PREB: variants seen among roughly 807,000 people sequenced by gnomAD.
PREB encodes the protein prolactin regulatory element binding.
PREB carries 29 observed loss-of-function variants against 46.7 expected under a neutral mutation model. The observed-to-expected ratio is 0.62, with a 90% CI of 0.46 to 0.85. PREB has a LOEUF of 0.85. PREB is among the 40% of genes least tolerant of loss of function. PREB has a pLI of 0.00. For synonymous variants in PREB, 224 were observed against 220.1 expected, an observed-to-expected ratio of 1.02 and a Z score of -0.16; for missense variants, 494 against 528.4, an observed-to-expected ratio of 0.93 and a Z score of 0.64.
chr2:27,131,768 T>C lies in PREB; in HGVS notation c.1063A>G (p.Lys355Glu). The C allele has an allele frequency of 6.2e-7, 1 of 1,613,952 alleles. No homozygotes were observed. The highest frequency in any genetic ancestry group is 8.5e-7 in the Non-Finnish European group (1 of 1,179,946). The change falls in exon 8 of 9, where the codon AAG (lysine) becomes GAG (glutamate). Residue 355 changes from lysine (K) to glutamate (E), a missense_variant. Lys to Glu is a moderately conservative substitution (Grantham distance 56). Coordinates refer to ENST00000260643, the MANE Select transcript of PREB (RefSeq NM_013388.6). ...VVTDVAFLPE[K>E]GRGPELLGSH... is the part of the protein sequence containing the mutation. ...CCAAGGAGCTCTGGACCACGACCCTTCTCAGGTAGAAAGGCCACATCCGTC... is the reference window on the plus strand; with the variant it reads ...CCAAGGAGCTCTGGACCACGACCCTCCTCAGGTAGAAAGGCCACATCCGTC...
intron 2 of PREB, 54 bp downstream of exon 2, chr2:27,133,478 G>A: frequency 6.3e-7 from 1 of 1,598,290 alleles, no homozygotes; most frequent in Non-Finnish European, 8.5e-7. Flanking sequence ...GACACCAAGA[G>A]TGACCTTACT....
chr2:27,133,422 T>G lies in PREB; in HGVS notation c.326-85A>C, dbSNP rs577121548. 1.1e-5 allele frequency: 17 copies of G among 1,596,396 alleles called. No individual in the cohort carries two copies. The East Asian group carries it at 2.9e-4, about 27-fold the overall frequency. On this transcript the variant is annotated intron_variant, in intron 2 of 8. Coordinates refer to ENST00000260643, the MANE Select transcript of PREB (RefSeq NM_013388.6). ...TCTCCATGGCAGGTGCCCATACAAC[T>G]TCTAGCTTGCTACCAAAACCCTACT...
Position 27,132,777 on chromosome 2 carries a change from C to A in PREB, c.628-50G>T. On this transcript the variant is annotated intron_variant, in intron 4 of 8. Coordinates refer to ENST00000260643, the MANE Select transcript of PREB (RefSeq NM_013388.6). This position sits in a 1 kb window ranked among gnomAD's most constrained non-coding sequence, Gnocchi z 4.0. ...GATGGACAGTTAGGGGATCCACTTACTGGGCAAGCAGCATAAGCACCTCCT... is the reference window on the plus strand; with the variant it reads ...GATGGACAGTTAGGGGATCCACTTAATGGGCAAGCAGCATAAGCACCTCCT... 1 of 1,613,622 alleles carries A rather than the reference C, an allele frequency of 6.2e-7. No homozygotes were observed. The highest frequency in any genetic ancestry group is 8.5e-7 in the Non-Finnish European group (1 of 1,179,544).
Position 27,134,523 on chromosome 2 carries a change from C to T in PREB, c.-102G>A, listed in dbSNP as rs1363958481. 1 of 1,387,138 alleles carries T rather than the reference C, an allele frequency of 7.2e-7. No individual in the cohort carries two copies. Among genetic ancestry groups the T allele is most frequent in the Non-Finnish European group, 9.3e-7 (1 of 1,079,948 alleles). 85.9% of individuals were successfully genotyped at this position (1,387,138 alleles called of 1,614,324 possible). ...CGGCTGGTGAACTCGGCCCCGTCGC[C>T]GCCGGGAGCACTCCCTACCCCTCTC... On this transcript the variant is annotated 5_prime_UTR_variant, in exon 1 of 9. Coordinates refer to ENST00000260643, the MANE Select transcript of PREB (RefSeq NM_013388.6).
chr2:27,130,954 C>T lies in PREB; in HGVS notation c.*460G>A. 1 of 622,422 alleles carries T rather than the reference C, an allele frequency of 1.6e-6. No homozygotes were observed. Among genetic ancestry groups the T allele is most frequent in the Middle Eastern group, 4.4e-4 (1 of 2,250 alleles). 38.6% of individuals were successfully genotyped at this position (622,422 alleles called of 1,614,324 possible). A position where few individuals can be genotyped will look rare whatever the true frequency, so the allele number is the denominator to read the frequency against. ...AGTCTTCCTTTTGCCCCTTCCTGCC[C>T]TAACAGCAAGTACCAGGCCAGTCCC... On this transcript the variant is annotated 3_prime_UTR_variant, in exon 9 of 9. Coordinates refer to ENST00000260643, the MANE Select transcript of PREB (RefSeq NM_013388.6).
intron 1 of PREB, chr2:27,134,033 T>G (rs1672395279): frequency 9.7e-6 from 6 of 620,068 alleles, no homozygotes; most frequent in Non-Finnish European, 1.7e-5. Flanking sequence ...CCCCTGGAGC[T>G]GCTCTGAGGC....
Position 27,132,278 on chromosome 2 carries a change from AG to A in PREB, c.877del (p.Leu293PhefsTer23), listed in dbSNP as rs1216826373. 1.9e-6 allele frequency: 3 copies of A among 1,614,002 alleles called. No homozygotes were observed. Among genetic ancestry groups the A allele is most frequent in the Non-Finnish European group, 1.7e-6 (2 of 1,179,982 alleles). On this transcript the variant is annotated frameshift_variant, in exon 6 of 9. Coordinates refer to ENST00000260643, the MANE Select transcript of PREB (RefSeq NM_013388.6). LOFTEE classifies it high-confidence loss of function. The surrounding 1 kb of genome is among the most constrained non-coding windows in gnomAD (Gnocchi z 4.0). ...TAWDGSNFLP[L>X]RTKSCGHEVV... ...TTCATGGCCACAGGACTTGGTCCGA[AG>A]GGGCAAGAAGTTGGAGCCATCCCAG...
chr2:27,134,636 TG>T, upstream of PREB: 1 of 1,245,116 alleles, frequency 8.0e-7, no homozygotes, highest in Non-Finnish European at 1.0e-6. Flanking sequence ...AGACGCGCAC[TG>T]CGCATGCGCA....
Position 27,130,904 on chromosome 2 carries a change from A to C in PREB, c.*510T>G. ...TAGGCCAGCTGGCTTAGTGCTACCC[A>C]TCTGAACCCCCAGATTACTACCCAA... is the stretch of plus-strand genomic sequence containing the variant. On this transcript the variant is annotated 3_prime_UTR_variant, in exon 9 of 9. Coordinates refer to ENST00000260643, the MANE Select transcript of PREB (RefSeq NM_013388.6). The C allele has an allele frequency of 1.2e-6, 1 of 809,894 alleles. No homozygotes were observed. Among genetic ancestry groups the C allele is most frequent in the Non-Finnish European group, 1.9e-6 (1 of 521,374 alleles). The allele number at this position is 809,894 out of a possible 1,614,324, so 50.2% of individuals were successfully genotyped here. A position where few individuals can be genotyped will look rare whatever the true frequency, so the allele number is the denominator to read the frequency against.
rs1672337302 is a variant in PREB at position 27,132,803 on chromosome 2, C to T, written c.627+40G>A. ...TGGGCAAGCAGCATAAGCACCTCCT[C>T]TCTCCTTTCTCCATCCTCCTCCCAC... On this transcript the variant is annotated intron_variant, in intron 4 of 8. Coordinates refer to ENST00000260643, the MANE Select transcript of PREB (RefSeq NM_013388.6). This position sits in a 1 kb window ranked among gnomAD's most constrained non-coding sequence, Gnocchi z 4.0. 6.2e-7 allele frequency: 1 copy of T among 1,613,226 alleles called. No individual in the cohort carries two copies. The highest frequency in any genetic ancestry group is 1.3e-5 in the African/African-American group (1 of 74,878).
At chr2:27,131,891 G>A (rs1472245323) in intron 7 of PREB, 60 bp from the exon 8 acceptor site, 1 of 1,598,590 alleles carries the variant, frequency 6.3e-7, no homozygotes, top group East Asian at 2.2e-5. Context: ...TTTCTGGAAA[G>A]CATGTTCCCC....
chr2:27,131,280 A>G lies in PREB; in HGVS notation c.*134T>C. ...AGCCAAGCCTTTTCACTAGAAGGGCAGGCAGTGCCCATTCATCTTGTCAGC... is the reference window on the plus strand; with the variant it reads ...AGCCAAGCCTTTTCACTAGAAGGGCGGGCAGTGCCCATTCATCTTGTCAGC... On this transcript the variant is annotated 3_prime_UTR_variant, in exon 9 of 9. Coordinates refer to ENST00000260643, the MANE Select transcript of PREB (RefSeq NM_013388.6). The G allele has an allele frequency of 1.3e-6, 1 of 782,132 alleles. No individual in the cohort carries two copies. Among genetic ancestry groups the G allele is most frequent in the Non-Finnish European group, 2.1e-6 (1 of 473,706 alleles). The allele number at this position is 782,132 out of a possible 1,614,324, so 48.4% of individuals were successfully genotyped here. A position where few individuals can be genotyped will look rare whatever the true frequency, so the allele number is the denominator to read the frequency against.
At position 27,132,615 on chromosome 2, in the gene PREB, T is replaced by G; in HGVS notation, c.740A>C (p.Tyr247Ser). 6.8e-6 allele frequency: 11 copies of G among 1,614,062 alleles called. No individual in the cohort carries two copies. Among genetic ancestry groups the G allele is most frequent in the Middle Eastern group, 1.7e-4 (1 of 6,042 alleles). Residue 247 changes from tyrosine to serine, a missense_variant, in exon 5 of 9, where the codon TAC becomes TCC. By Grantham distance (144) the Tyr-to-Ser change is moderately radical (BLOSUM62 -2). Transcript: ENST00000260643. The surrounding 1 kb of genome is among the most constrained non-coding windows in gnomAD (Gnocchi z 4.0). ...AAAGTCTTCACACCTGCAGGCCTGG[T>G]AGCGGTAAGGTGTGCTGGAAAAGGT... is the stretch of plus-strand genomic sequence containing the variant. ...GPTFSSTPYR[Y>S]QACRFGQVPD... is the part of the protein sequence containing the mutation.
At chr2:27,131,612 G>C in intron 8 of PREB, 60 bp downstream of exon 8, 1 of 1,599,772 alleles carries the variant, frequency 6.3e-7, no homozygotes. Flanking sequence ...GCCTCCGGGG[G>C]GCACGTTTCT....
At position 27,130,891 on chromosome 2, in the gene PREB, C is replaced by A; in HGVS notation, c.*523G>T. The stretch of plus-strand genomic sequence containing the variant: ...CTTATTGCATCTTTAGGCCAGCTGG[C>A]TTAGTGCTACCCATCTGAACCCCCA... On this transcript the variant is annotated 3_prime_UTR_variant, in exon 9 of 9. Transcript: ENST00000260643. The A allele has an allele frequency of 1.1e-6, 1 of 929,066 alleles. No individual in the cohort carries two copies. Among genetic ancestry groups the A allele is most frequent in the East Asian group, 2.6e-5 (1 of 37,888 alleles). 57.6% of individuals were successfully genotyped at this position (929,066 alleles called of 1,614,324 possible). A position where few individuals can be genotyped will look rare whatever the true frequency, so the allele number is the denominator to read the frequency against.
Position 27,131,434 on chromosome 2 carries a change from C to T in PREB, c.1234G>A (p.Ala412Thr), listed in dbSNP as rs1672258722. Residue 412 changes from alanine to threonine, a missense_variant, in exon 9 of 9, where the codon GCC becomes ACC. Ala to Thr is a moderately conservative substitution (Grantham distance 58). Coordinates refer to ENST00000260643, the MANE Select transcript of PREB (RefSeq NM_013388.6). ...IIVTILLLQS[A>T]FPGFL ...GGAAGCTAAAGGAAACCTGGAAAGG[C>T]ACTCTGGAGCAGCAGGATGGTCACA... 2 of 1,560,234 alleles carry T rather than the reference C, an allele frequency of 1.3e-6. No individual in the cohort carries two copies. Among genetic ancestry groups the T allele is most frequent in the Admixed American group, 1.9e-5 (1 of 51,924 alleles).
intron 2 of PREB, 38 bp from the exon 3 acceptor site, chr2:27,133,375 C>G: frequency 4.3e-6 from 7 of 1,611,216 alleles, no homozygotes; most frequent in Non-Finnish European, 5.9e-6. Context: ...CAGGCTTCTA[C>G]AGTAAGGAGT....
chr2:27,134,126 C>T (rs1417675074), intron 1 of PREB, 161 bp downstream of exon 1: 2 of 974,794 alleles, frequency 2.1e-6, no homozygotes, highest in Non-Finnish European at 2.9e-6. Flanking sequence ...CCGCTGAGTT[C>T]TCGACTGAAA....
At chr2:27,134,244 C>T in intron 1 of PREB, 43 bp downstream of exon 1, 1 of 1,519,512 alleles carries the variant, frequency 6.6e-7, no homozygotes, top group Non-Finnish European at 8.8e-7. Context: ...GAATCGCCGC[C>T]AGCCCGCAGC....
Sources: allele counts gnomAD v4.1 joint callset, GRCh38; gene constraint gnomAD v4.1.1; non-coding constraint Gnocchi (gnomAD v3.1); transcripts MANE v1.5; gene names NCBI Gene and HGNC (gene_info 2026-07-23, HGNC 2026-07-21).